The following RASGRF2 variants were observed in gnomAD, a reference collection of about 807,000 sequenced individuals.
RASGRF2 encodes ras-specific guanine nucleotide-releasing factor 2.
A neutral mutation model predicts 151.0 loss-of-function variants in RASGRF2; 76 were observed. The ratio of observed to expected loss-of-function variants is 0.50; its 90% CI spans 0.42 to 0.61. RASGRF2 has a LOEUF of 0.61. Among genes scored for constraint, RASGRF2 ranks in the 20% least tolerant of loss-of-function variants. RASGRF2 has a pLI of 0.00. For synonymous variants in RASGRF2, 504 were observed against 566.5 expected, an observed-to-expected ratio of 0.89 and a Z score of 1.57; for missense variants, 1,148 against 1,564.6, an observed-to-expected ratio of 0.73 and a Z score of 4.49.
chr5:81,092,610 G>A (rs1158743721), intron 9 of RASGRF2, among the ~76,000 whole-genome samples, 191 bp from the exon 10 acceptor site: 1 of 152,168 alleles, frequency 6.6e-6, no homozygotes, highest in African/African-American at 2.4e-5. Context: ...ATTAGGAACA[G>A]TTCAGCCCTT....
intron 13 of RASGRF2, among the ~76,000 whole-genome samples, chr5:81,110,197 G>T (rs2112538308): frequency 6.6e-6 from 1 of 152,260 alleles, no homozygotes; most frequent in African/African-American, 2.4e-5. Flanking sequence ...TACTGACAGG[G>T]CGTCACTTTG....
intron 2 of RASGRF2, among the ~76,000 whole-genome samples, chr5:81,067,734 T>C (rs940240737): frequency 4.6e-5 from 7 of 152,232 alleles, no homozygotes; most frequent in Non-Finnish European, 1.0e-4. Context: ...GACACACTAC[T>C]TTCTTTTTAA....
rs1327184685 is a variant in RASGRF2, at chr5:81,207,042, C to A, written c.2967+137C>A. 4.7e-6 allele frequency: 4 copies of A among 855,184 alleles called. No homozygotes were observed. In the African/African-American group the frequency reaches 5.1e-5, roughly 11 times the overall value. 53.0% of individuals were successfully genotyped at this position (855,184 alleles called of 1,614,324 possible). A position where few individuals can be genotyped will look rare whatever the true frequency, so the allele number is the denominator to read the frequency against. On this transcript the variant is annotated intron_variant, in intron 20 of 26. Coordinates refer to ENST00000265080, the MANE Select transcript of RASGRF2 (RefSeq NM_006909.3). ...TATCTGTGAAGCTCTGTGAGATGAA[C>A]CACATTTGGTGTGGGGTCTAGCAGT...
chr5:80,992,057 C>T (rs1748667694), intron 1 of RASGRF2, among the ~76,000 whole-genome samples: 1 of 152,176 alleles, frequency 6.6e-6, no homozygotes, highest in Non-Finnish European at 1.5e-5. Context: ...TGTTCCCACC[C>T]TCTCCTGGCA....
chr5:81,207,748 T>C (rs73130845), intron 21 of RASGRF2, among the ~76,000 whole-genome samples: 44,406 of 152,222 alleles, frequency 0.29, 6,867 homozygotes, highest in Middle Eastern at 0.39. Flanking sequence ...CAGGTGGAGC[T>C]TCTGCCCCGC....
chr5:81,121,441 G>A, intron 15 of RASGRF2, among the ~76,000 whole-genome samples: 1 of 152,134 alleles, frequency 6.6e-6, no homozygotes, highest in Non-Finnish European at 1.5e-5. Context: ...TTTGAAAAGT[G>A]CTAGTGACCT....
chr5:81,133,333 T>G (rs1249275314), intron 17 of RASGRF2, among the ~76,000 whole-genome samples: 2 of 152,194 alleles, frequency 1.3e-5, no homozygotes, highest in East Asian at 3.9e-4. Context: ...CAAAGGATGG[T>G]TGATGGTGTT....
intron 1 of RASGRF2, among the ~76,000 whole-genome samples, chr5:81,003,492 G>A (rs1016955918): frequency 1.3e-5 from 2 of 152,020 alleles, no homozygotes; most frequent in Non-Finnish European, 2.9e-5. Flanking sequence ...CAAAGTGCTG[G>A]GATTACAGGC....
intron 1 of RASGRF2, among the ~76,000 whole-genome samples, chr5:80,969,890 G>A (rs960096825): frequency 8.8e-5 from 12 of 135,972 alleles, no homozygotes; most frequent in East Asian, 4.4e-4. Flanking sequence ...GCAATGGTGC[G>A]ATCTTGGCTC....
intron 2 of RASGRF2, among the ~76,000 whole-genome samples, chr5:81,056,761 C>G (rs1045224476): frequency 6.6e-6 from 1 of 152,142 alleles, no homozygotes; most frequent in African/African-American, 2.4e-5. Flanking sequence ...GTGTGGAAGT[C>G]TGAGTCTCTT....
intron 15 of RASGRF2, among the ~76,000 whole-genome samples, chr5:81,121,833 T>A (rs1394380592): frequency 2.6e-5 from 4 of 152,184 alleles, no homozygotes; most frequent in African/African-American, 9.6e-5. Context: ...GCTCACTGTA[T>A]TCAGACCCCA....
At chr5:81,116,833 C>T (rs775157299) in intron 15 of RASGRF2, among the ~76,000 whole-genome samples, 5 of 152,146 alleles carry the variant, frequency 3.3e-5, no homozygotes, top group Non-Finnish European at 7.4e-5. Flanking sequence ...GTAATGTCCT[C>T]AAGGTTCAAC....
At chr5:81,021,851 G>A (rs1055234848) in intron 1 of RASGRF2, among the ~76,000 whole-genome samples, 1 of 152,118 alleles carries the variant, frequency 6.6e-6, no homozygotes, top group East Asian at 1.9e-4. Flanking sequence ...AAAGGTTTGG[G>A]GATAGGGTTT....
At chr5:81,151,560 C>G (rs1487453135) in intron 17 of RASGRF2, among the ~76,000 whole-genome samples, 1 of 151,986 alleles carries the variant, frequency 6.6e-6, no homozygotes, top group Non-Finnish European at 1.5e-5. Context: ...TAGAAAATTC[C>G]AAGAATGGAA....
intron 17 of RASGRF2, among the ~76,000 whole-genome samples, chr5:81,168,262 C>T (rs2112652853): frequency 6.6e-6 from 1 of 150,994 alleles, no homozygotes; most frequent in South Asian, 2.1e-4. Flanking sequence ...CAATTTCCCC[C>T]TTTATCAATC....
intron 1 of RASGRF2, among the ~76,000 whole-genome samples, chr5:80,992,770 A>G (rs1293590953): frequency 6.6e-6 from 1 of 152,224 alleles, no homozygotes; most frequent in Non-Finnish European, 1.5e-5. Flanking sequence ...ATACACCTAC[A>G]AAGATTAAAA....
chr5:81,189,142 C>T (rs2112690944), intron 18 of RASGRF2, among the ~76,000 whole-genome samples: 1 of 152,296 alleles, frequency 6.6e-6, no homozygotes, highest in East Asian at 1.9e-4. Context: ...CAGCAGACGC[C>T]CCGGCCAGCC....
chr5:80,988,096 G>A (rs902327986), intron 1 of RASGRF2, among the ~76,000 whole-genome samples: 43 of 150,832 alleles, frequency 2.9e-4, no homozygotes, highest in Non-Finnish European at 3.8e-4. Context: ...TCACACCCAG[G>A]CTGGAGTGCA....
chr5:81,223,000 A>T (rs751927029), intron 26 of RASGRF2, among the ~76,000 whole-genome samples: 4 of 152,256 alleles, frequency 2.6e-5, no homozygotes, highest in African/African-American at 4.8e-5. Context: ...GTAATATAAA[A>T]AACCTCAATC....
Sources: gnomAD v4.1 joint callset for allele counts (sites outside exome capture counted in the v4.1 genomes callset) on GRCh38, gnomAD v4.1.1 for gene constraint, MANE v1.5 for transcripts, NCBI Gene and HGNC (gene_info 2026-07-23, HGNC 2026-07-21) for gene names.